The following DDX60L variants were observed in gnomAD, a reference collection of about 807,000 sequenced individuals.
DDX60L encodes DExD/H-box 60 like.
In DDX60L, 191 loss-of-function variants were observed where a neutral mutation model predicts 211.6. The observed-to-expected ratio is 0.90, with a 90% CI of 0.80 to 1.02. The LOEUF (loss-of-function observed/expected upper bound fraction) is 1.02. DDX60L is among the 50% of genes least tolerant of loss of function. The probability of loss-of-function intolerance (pLI) is 0.00; values close to 1 mark genes in which losing one functional copy is unlikely to be tolerated. For synonymous variants in DDX60L, 706 were observed against 694.1 expected, an observed-to-expected ratio of 1.02 and a Z score of -0.27; for missense variants, 2,007 against 1,984.1, an observed-to-expected ratio of 1.01 and a Z score of -0.22.
chr4:168,387,541 A>T, intron 29 of DDX60L, among the ~76,000 whole-genome samples: 1 of 152,320 alleles, frequency 6.6e-6, no homozygotes, highest in African/African-American at 2.4e-5. Context: ...CAATCTGCAG[A>T]TTGTTTTTTA....
intron 26 of DDX60L, among the ~76,000 whole-genome samples, chr4:168,400,532 G>A (rs3113595): frequency 6.6e-6 from 1 of 152,114 alleles, no homozygotes; most frequent in Non-Finnish European, 1.5e-5. Context: ...TTGTGGCCTA[G>A]GGCATGAATG....
chr4:168,446,672 C>T lies in DDX60L; in HGVS notation c.1138+1966G>A, dbSNP rs1340950050. On this transcript the variant is annotated intron_variant, in intron 9 of 37. Coordinates refer to ENST00000682922, the MANE Select transcript of DDX60L (RefSeq NM_001012967.3). ...GAACCAAAACAGCATGGTACTGGTA[C>T]CAAAACAGAGATATAGATCAATGGA... Among the ~76,000 whole-genome samples the T allele has an allele frequency of 2.7e-5, 4 of 150,596 alleles. No individual in the cohort carries two copies. In the East Asian group the frequency reaches 7.8e-4, roughly 29 times the overall value.
intron 36 of DDX60L, among the ~76,000 whole-genome samples, chr4:168,370,120 C>T (rs1383902685): frequency 3.3e-5 from 5 of 151,958 alleles, no homozygotes; most frequent in Non-Finnish European, 5.9e-5. Context: ...ATCTGCACTC[C>T]CATCCTTATT....
chr4:168,385,729 G>A (rs1743747421), intron 29 of DDX60L, among the ~76,000 whole-genome samples: 1 of 152,200 alleles, frequency 6.6e-6, no homozygotes, highest in Non-Finnish European at 1.5e-5. Flanking sequence ...GAAGTCTTCT[G>A]TGTTGATTGT....
At chr4:168,361,684 A>C (rs1487098200) in intron 36 of DDX60L, among the ~76,000 whole-genome samples, 1 of 152,182 alleles carries the variant, frequency 6.6e-6, no homozygotes, top group Non-Finnish European at 1.5e-5. Context: ...CCTACCAGAA[A>C]TGACTGGGAG....
At chr4:168,477,523 C>G (rs560134259) in intron 1 of DDX60L, among the ~76,000 whole-genome samples, 1 of 151,996 alleles carries the variant, frequency 6.6e-6, no homozygotes, top group East Asian at 1.9e-4. Context: ...TTTTATGTAC[C>G]ACTAATTTTC....
intron 5 of DDX60L, 141 bp from the exon 6 acceptor site, chr4:168,458,149 A>G (rs1177465159): frequency 2.0e-6 from 1 of 511,524 alleles, no homozygotes; most frequent in Non-Finnish European, 3.4e-6. Flanking sequence ...AAAAGTCAAG[A>G]AACAACATAT....
rs1297108437 is a variant in DDX60L, at chr4:168,356,739, T to A, written c.*1408A>T. 3 of 152,220 alleles carry A rather than the reference T, an allele frequency of 2.0e-5. No individual in the cohort carries two copies. The highest frequency in any genetic ancestry group is 7.2e-5 in the African/African-American group (3 of 41,452). The allele number at this position is 152,220 out of a possible 1,614,324, so 9.4% of individuals were successfully genotyped here. A position where few individuals can be genotyped will look rare whatever the true frequency, so the allele number is the denominator to read the frequency against. On this transcript the variant is annotated 3_prime_UTR_variant, in exon 38 of 38. Coordinates refer to ENST00000682922, the MANE Select transcript of DDX60L (RefSeq NM_001012967.3). Reference sequence around the variant, plus strand: ...CATAAGGAACACAACAGTAAATCAATTTAATGCCCTTTATTTTCTGATGGG... The same window carrying A: ...CATAAGGAACACAACAGTAAATCAAATTAATGCCCTTTATTTTCTGATGGG...
intron 30 of DDX60L, among the ~76,000 whole-genome samples, chr4:168,382,798 A>C (rs970087583): frequency 1.3e-5 from 2 of 152,164 alleles, no homozygotes; most frequent in Non-Finnish European, 2.9e-5. Flanking sequence ...TCAACATATA[A>C]AAAGAATGAA....
chr4:168,403,999 C>A lies in DDX60L; in HGVS notation c.3321G>T (p.Leu1107Phe). 1.4e-6 allele frequency: 2 copies of A among 1,464,626 alleles called. No individual in the cohort carries two copies. Among genetic ancestry groups the A allele is most frequent in the Non-Finnish European group, 1.8e-6 (2 of 1,092,036 alleles). The allele number at this position is 1,464,626 out of a possible 1,614,324, so 90.7% of individuals were successfully genotyped here. Residue 1107 changes from leucine to phenylalanine, a missense_variant, in exon 25 of 38, where the codon TTG (leucine) becomes TTT (phenylalanine). Physicochemically the swap from Leu to Phe is conservative, Grantham distance 22. Coordinates refer to ENST00000682922, the MANE Select transcript of DDX60L (RefSeq NM_001012967.3). ...TTACTTACAAAAAAAATATTGCAGGCAACTTATCCATTTGTCTTAACTTTT... is the reference window on the plus strand; with the variant it reads ...TTACTTACAAAAAAAATATTGCAGGAAACTTATCCATTTGTCTTAACTTTT... ...LVEKLRQMDK[L>F]PAIFFLFKND... is the part of the protein sequence containing the mutation.
intron 4 of DDX60L, chr4:168,470,348 T>C (rs1335661157): frequency 6.6e-6 from 1 of 152,198 alleles, no homozygotes; most frequent in Non-Finnish European, 1.5e-5. Context: ...TGAATGCACA[T>C]AGTAGCTTTA....
rs141802294 is a variant in DDX60L at position 168,369,942 on chromosome 4, C to T, written c.4928+1670G>A. ...AAAGCAAGTGTTGGTGTGAATGTGA[C>T]GGAAAGGGAACCCTTACATGCTGTG... is the stretch of plus-strand genomic sequence containing the variant. On this transcript the variant is annotated intron_variant, in intron 36 of 37. Transcript: ENST00000682922. Among the ~76,000 whole-genome samples the T allele has an allele frequency of 2.6e-3, 399 of 152,020 alleles. 8 individuals are homozygous for T. In the South Asian group the frequency reaches 0.04, roughly 15 times the overall value.
chr4:168,381,810 T>G (rs948982675), intron 30 of DDX60L, among the ~76,000 whole-genome samples: 1 of 152,110 alleles, frequency 6.6e-6, no homozygotes, highest in African/African-American at 2.4e-5. Context: ...CCAGGTTAAA[T>G]TGTCCTTACT....
chr4:168,451,413 A>G (rs1011670066), intron 8 of DDX60L, among the ~76,000 whole-genome samples: 44 of 152,210 alleles, frequency 2.9e-4, no homozygotes, highest in African/African-American at 9.6e-4. Flanking sequence ...GCATCCATAC[A>G]GTTGGCCTAG....
At chr4:168,417,608 T>G (rs1749781523) in intron 19 of DDX60L, among the ~76,000 whole-genome samples, 1 of 152,246 alleles carries the variant, frequency 6.6e-6, no homozygotes, top group South Asian at 2.1e-4. Context: ...CAATGTTTAC[T>G]TATATTTTCA....
chr4:168,432,985 A>G, intron 11 of DDX60L, 25 bp downstream of exon 11: 1 of 1,491,276 alleles, frequency 6.7e-7, no homozygotes, highest in Non-Finnish European at 9.2e-7. Flanking sequence ...ATGGCACTAA[A>G]TCAGGTACTT....
chr4:168,464,800 GATC>G (rs1193907664), intron 4 of DDX60L, among the ~76,000 whole-genome samples: 2 of 152,026 alleles, frequency 1.3e-5, no homozygotes, highest in East Asian at 3.8e-4. Context: ...TGTCCTCCAA[GATC>G]ATCATGTTGC....
At chr4:168,426,949 G>T in intron 14 of DDX60L, 121 bp downstream of exon 14, 1 of 1,137,066 alleles carries the variant, frequency 8.8e-7, no homozygotes. Context: ...GGGTCATGTT[G>T]ACAATAAAAT....
Position 168,458,001 on chromosome 4 carries a change from G to A in DDX60L, c.614C>T (p.Thr205Ile). 6.6e-7 allele frequency: 1 copy of A among 1,520,874 alleles called. No homozygotes were observed. Among genetic ancestry groups the A allele is most frequent in the South Asian group, 1.2e-5 (1 of 80,114 alleles). The allele number at this position is 1,520,874 out of a possible 1,614,324, so 94.2% of individuals were successfully genotyped here. A position where few individuals can be genotyped will look rare whatever the true frequency, so the allele number is the denominator to read the frequency against. ...GCTTTTATATGCACTCTGAATCACT[G>A]TTTCATTCTGTAAAAGGGAGAAAAC... ...RNQTFSKENETVIQSAYKSLI... is the reference protein window; with the variant it reads ...RNQTFSKENEIVIQSAYKSLI... Residue 205 changes from threonine to isoleucine, a missense_variant, in exon 6 of 38, where the codon ACA becomes ATA. Thr to Ile is a moderately conservative substitution (Grantham distance 89). Transcript: ENST00000682922.
Sources: allele counts gnomAD v4.1 joint callset (sites outside exome capture counted in the v4.1 genomes callset), GRCh38; gene constraint gnomAD v4.1.1; transcripts MANE v1.5; gene names NCBI Gene and HGNC (gene_info 2026-07-23, HGNC 2026-07-21).